Variants in ST6GALNAC3 observed in about 807,000 individuals in gnomAD.
ST6GALNAC3 encodes the protein ST6 N-acetylgalactosaminide alpha-2,6-sialyltransferase 3, also known as alpha-N-acetylgalactosaminide alpha-2,6-sialyltransferase 3.
Under a neutral mutation model 32.7 loss-of-function variants are expected in ST6GALNAC3, and 25 were observed. The ratio of observed to expected loss-of-function variants is 0.76; its 90% CI spans 0.56 to 1.07. The LOEUF is 1.07. Among genes scored for constraint, ST6GALNAC3 ranks in the 50% least tolerant of loss-of-function variants. The probability of loss-of-function intolerance (pLI) is 0.00; values close to 1 mark genes in which losing one functional copy is unlikely to be tolerated. For synonymous variants in ST6GALNAC3, 129 were observed against 133.1 expected, an observed-to-expected ratio of 0.97 and a Z score of 0.21; for missense variants, 355 against 382.4, an observed-to-expected ratio of 0.93 and a Z score of 0.60.
intron 1 of ST6GALNAC3, among the ~76,000 whole-genome samples, chr1:76,143,064 T>TA (rs1650433909): frequency 2.0e-5 from 3 of 152,208 alleles, no homozygotes; most frequent in East Asian, 3.9e-4. Context: ...GTGATTTTTT[T>TA]AAAACAAATT....
At chr1:76,525,799 A>G (rs1358029944) in intron 3 of ST6GALNAC3, among the ~76,000 whole-genome samples, 1,889 of 66,004 alleles carry the variant, frequency 0.029, 53 homozygotes, top group African/African-American at 0.16. Flanking sequence ...GTGTATATAT[A>G]TATATATATA....
At chr1:76,245,014 G>A (rs1461897517) in intron 1 of ST6GALNAC3, among the ~76,000 whole-genome samples, 1 of 152,158 alleles carries the variant, frequency 6.6e-6, no homozygotes, top group Non-Finnish European at 1.5e-5. Context: ...AATGGTATCA[G>A]CTCCTCTTTG....
At chr1:76,460,660 ACTTTATTATT>A in intron 3 of ST6GALNAC3, among the ~76,000 whole-genome samples, 1 of 152,298 alleles carries the variant, frequency 6.6e-6, no homozygotes, top group East Asian at 1.9e-4. Context: ...AATGACTCTG[ACTTTATTATT>A]CTTTATTTGC....
intron 3 of ST6GALNAC3, among the ~76,000 whole-genome samples, chr1:76,437,862 C>T (rs1380021360): frequency 1.3e-5 from 2 of 151,966 alleles, no homozygotes; most frequent in Admixed American, 6.6e-5. Flanking sequence ...GCGTGAACCA[C>T]CGTGCCTGGC....
chr1:76,412,526 T>G, intron 3 of ST6GALNAC3, 109 bp downstream of exon 3: 2 of 1,187,478 alleles, frequency 1.7e-6, no homozygotes, highest in East Asian at 5.1e-5. Flanking sequence ...TTACGCTGAT[T>G]GTTATATGTT....
intron 1 of ST6GALNAC3, among the ~76,000 whole-genome samples, chr1:76,127,363 C>T (rs1649320360): frequency 6.6e-6 from 1 of 152,180 alleles, no homozygotes; most frequent in Admixed American, 6.5e-5. Context: ...AAATTTCCTG[C>T]TCTCTCATAA....
At chr1:76,113,965 C>G (rs573225119) in intron 1 of ST6GALNAC3, among the ~76,000 whole-genome samples, 44 of 151,076 alleles carry the variant, frequency 2.9e-4, no homozygotes, top group Middle Eastern at 3.4e-3. Flanking sequence ...GCTGGGATTA[C>G]AGGCGCCTGC....
At chr1:76,528,667 G>C (rs1056285301) in intron 3 of ST6GALNAC3, among the ~76,000 whole-genome samples, 12 of 151,692 alleles carry the variant, frequency 7.9e-5, no homozygotes, top group Non-Finnish European at 1.3e-4. Context: ...CCCTTGTTCA[G>C]GTACTGTTCT....
chr1:76,468,934 A>G (rs1209763533), intron 3 of ST6GALNAC3, among the ~76,000 whole-genome samples: 2 of 151,966 alleles, frequency 1.3e-5, no homozygotes, highest in African/African-American at 2.4e-5. Context: ...GCAGGAAAAA[A>G]TAATTTCTTT....
intron 1 of ST6GALNAC3, among the ~76,000 whole-genome samples, chr1:76,294,638 G>A (rs978684896): frequency 1.3e-5 from 2 of 151,872 alleles, no homozygotes; most frequent in African/African-American, 4.8e-5. Context: ...ATTTCTGGGC[G>A]GTAAAAGGCA....
At chr1:76,583,650 G>A (rs554891730) in intron 3 of ST6GALNAC3, among the ~76,000 whole-genome samples, 1 of 152,258 alleles carries the variant, frequency 6.6e-6, no homozygotes, top group South Asian at 2.1e-4. Context: ...GCCTGCCGCT[G>A]TATAATGCCA....
chr1:76,099,234 TC>T (rs1268883899), intron 1 of ST6GALNAC3, among the ~76,000 whole-genome samples: 2 of 152,174 alleles, frequency 1.3e-5, no homozygotes, highest in Non-Finnish European at 2.9e-5. Flanking sequence ...TTTAAGGTGA[TC>T]CTGGCCCTTT....
At chr1:76,141,048 GC>G (rs1013997510) in intron 1 of ST6GALNAC3, among the ~76,000 whole-genome samples, 2 of 151,938 alleles carry the variant, frequency 1.3e-5, no homozygotes, top group African/African-American at 4.8e-5. Flanking sequence ...TGGACGGAGG[GC>G]ATTTTTTAGT....
At chr1:76,438,579 A>G (rs1467391651) in intron 3 of ST6GALNAC3, among the ~76,000 whole-genome samples, 1 of 152,002 alleles carries the variant, frequency 6.6e-6, no homozygotes, top group Non-Finnish European at 1.5e-5. Flanking sequence ...TTTCTCTTCC[A>G]TTCTTCTCTT....
intron 3 of ST6GALNAC3, among the ~76,000 whole-genome samples, chr1:76,499,825 T>G (rs1397771801): frequency 6.6e-6 from 1 of 152,134 alleles, no homozygotes; most frequent in Non-Finnish European, 1.5e-5. Flanking sequence ...TGCAACAGTA[T>G]CTGAAGATAC....
chr1:76,171,501 G>GT (rs139355359), intron 1 of ST6GALNAC3, among the ~76,000 whole-genome samples: 5,680 of 146,020 alleles, frequency 0.039, 332 homozygotes, highest in African/African-American at 0.13. Flanking sequence ...TCCAGGAGCT[G>GT]TTTTTTTTTT....
chr1:76,437,835 A>C (rs977157325), intron 3 of ST6GALNAC3, among the ~76,000 whole-genome samples: 6 of 151,948 alleles, frequency 3.9e-5, no homozygotes, highest in African/African-American at 1.5e-4. Context: ...CAGCCTCCCA[A>C]AGTTCTGAGA....
At chr1:76,132,004 A>T (rs1649641080) in intron 1 of ST6GALNAC3, among the ~76,000 whole-genome samples, 1 of 152,178 alleles carries the variant, frequency 6.6e-6, no homozygotes, top group Admixed American at 6.5e-5. Context: ...ATGGGCTACC[A>T]TGCCCTCCCC....
chr1:76,445,641 T>G, intron 3 of ST6GALNAC3, among the ~76,000 whole-genome samples: 1 of 152,222 alleles, frequency 6.6e-6, no homozygotes, highest in East Asian at 1.9e-4. Context: ...TTTGCATGCA[T>G]ATATTTTGTG....
Sources: gnomAD v4.1 joint callset for allele counts (sites outside exome capture counted in the v4.1 genomes callset) on GRCh38, gnomAD v4.1.1 for gene constraint, MANE v1.5 for transcripts, NCBI Gene and HGNC (gene_info 2026-07-23, HGNC 2026-07-21) for gene names.